The following TBCD variants were observed in gnomAD, a reference collection of about 807,000 sequenced individuals.
The protein encoded by TBCD is tubulin-specific chaperone D.
TBCD carries 105 observed loss-of-function variants against 169.3 expected under a neutral mutation model. The ratio of observed to expected loss-of-function variants is 0.62; its 90% CI spans 0.53 to 0.73. TBCD has a LOEUF of 0.73. Among genes scored for constraint, TBCD ranks in the 30% least tolerant of loss-of-function variants. The probability of loss-of-function intolerance (pLI) is 0.00; values close to 1 mark genes in which losing one functional copy is unlikely to be tolerated. For synonymous variants in TBCD, 700 were observed against 643.9 expected (o/e 1.09, Z -1.32); for missense variants, 1,444 against 1,600.1 (o/e 0.90, Z 1.66).
chr17:82,849,202 C>A (rs571293173), intron 13 of TBCD, among the ~76,000 whole-genome samples: 8 of 137,044 alleles, frequency 5.8e-5, no homozygotes, highest in Non-Finnish European at 9.2e-5. Flanking sequence ...ACCTCGATGT[C>A]CCCCTCTGCC....
chr17:82,775,372 C>T (rs1223197588), intron 6 of TBCD, among the ~76,000 whole-genome samples: 1 of 152,100 alleles, frequency 6.6e-6, no homozygotes, highest in East Asian at 1.9e-4. Context: ...CCGGTTCCCT[C>T]GACACCTCCC....
intron 6 of TBCD, among the ~76,000 whole-genome samples, chr17:82,778,737 A>G (rs1038147297): frequency 0.028 from 13 of 460 alleles, no homozygotes; most frequent in East Asian, 0.2. Context: ...TCTCAGCTCC[A>G]CTGAACCTCT....
At chr17:82,861,229 A>G (rs2056733178) in intron 13 of TBCD, among the ~76,000 whole-genome samples, 1 of 152,044 alleles carries the variant, frequency 6.6e-6, no homozygotes, top group Non-Finnish European at 1.5e-5. Flanking sequence ...CAGTCCTGCC[A>G]GGCGTTGGGC....
At chr17:82,829,061 A>C (rs1428942335) in intron 13 of TBCD, among the ~76,000 whole-genome samples, 1 of 136,014 alleles carries the variant, frequency 7.4e-6, no homozygotes, top group Non-Finnish European at 1.6e-5. Flanking sequence ...ATGCGCACAC[A>C]CCCACAGATA....
rs1290172675 is a variant in TBCD at position 82,943,000 on chromosome 17, T to TG, written c.*542dup. The TG allele has an allele frequency of 1.2e-5, 2 of 170,162 alleles. No homozygotes were observed. The highest frequency in any genetic ancestry group is 2.5e-5 in the Non-Finnish European group (2 of 80,154). 10.5% of individuals were successfully genotyped at this position (170,162 alleles called of 1,614,324 possible). ...GCTGTTTCTGGGCCCGTCTGCCTGG[T>TG]GGGGGTGCTGTCCTCCCCCCTGTGC... On this transcript the variant is annotated 3_prime_UTR_variant, in exon 39 of 39. Coordinates refer to ENST00000355528, the MANE Select transcript of TBCD (RefSeq NM_005993.5).
chr17:82,864,557 C>G lies in TBCD; in HGVS notation c.1319-5667C>G, dbSNP rs1487100151. 6.6e-6 allele frequency: 1 copy of G among 152,312 alleles called. No homozygotes were observed. The highest frequency in any genetic ancestry group is 1.5e-5 in the Non-Finnish European group (1 of 68,130). 9.4% of individuals were successfully genotyped at this position (152,312 alleles called of 1,614,324 possible). ...TGGGGATTTGTGACTGTCCCCAGCA[C>G]CTTGACAGAGGGTCCTTGACTCTGC... On this transcript the variant is annotated intron_variant, in intron 13 of 38. Transcript: ENST00000355528. The surrounding 1 kb of genome is among the most constrained non-coding windows in gnomAD (Gnocchi z 6.3).
At chr17:82,830,905 A>G in intron 13 of TBCD, 1 of 1,612,952 alleles carries the variant, frequency 6.2e-7, no homozygotes, top group Non-Finnish European at 8.5e-7. Context: ...AAAGCTTAGT[A>G]GGAGCTTGCT....
chr17:82,921,541 C>G lies in TBCD; in HGVS notation c.2142C>G (p.Leu714=), dbSNP rs183314946. 114 of 1,614,038 alleles carry G rather than the reference C, an allele frequency of 7.1e-5. No individual in the cohort carries two copies. In the Admixed American group the frequency reaches 1.8e-3, roughly 26 times the overall value. ...QWLINDTLRH[L]HLISSHSRQQ... ...TGATAAATGACACTTTGAGACATCT[C>G]CATCTCATCTCAAGTCACTCCCGCC... Residue 714 remains leucine, a synonymous_variant, in exon 25 of 39, where the codon CTC becomes CTG. Coordinates refer to ENST00000355528, the MANE Select transcript of TBCD (RefSeq NM_005993.5).
intron 4 of TBCD, 62 bp from the exon 5 acceptor site, chr17:82,768,358 T>C (rs2048130690): frequency 6.3e-7 from 1 of 1,598,728 alleles, no homozygotes; most frequent in South Asian, 1.1e-5. Context: ...TTTGAGTAGA[T>C]TGTGGCCAGT....
chr17:82,895,092 C>T (rs1208276674), intron 17 of TBCD, among the ~76,000 whole-genome samples: 4 of 152,248 alleles, frequency 2.6e-5, no homozygotes, highest in East Asian at 3.8e-4. Context: ...GCCTAAAACT[C>T]GCATGTAATT....
At chr17:82,760,571 G>GT (rs2047699403) in intron 2 of TBCD, among the ~76,000 whole-genome samples, 1 of 152,150 alleles carries the variant, frequency 6.6e-6, no homozygotes, top group Non-Finnish European at 1.5e-5. Context: ...TTTGTATACT[G>GT]TTTTTGTAAA....
At chr17:82,838,038 G>A (rs1442209484) in intron 13 of TBCD, among the ~76,000 whole-genome samples, 2 of 152,234 alleles carry the variant, frequency 1.3e-5, no homozygotes, top group Middle Eastern at 3.2e-3. Flanking sequence ...GTGCTCAGCC[G>A]ATGCACTTGG....
chr17:82,753,447 C>CTTTTTTTTTTTTTTTTTTT (rs59839519), intron 1 of TBCD, among the ~76,000 whole-genome samples: 1 of 104,294 alleles, frequency 9.6e-6, no homozygotes, highest in Non-Finnish European at 1.8e-5. Flanking sequence ...TGGCTTCTTC[C>CTTTTTTTTTTTTTTTTTTT]TTTTTTTTTT....
intron 13 of TBCD, among the ~76,000 whole-genome samples, chr17:82,819,375 C>G (rs1295821760): frequency 6.6e-6 from 1 of 152,196 alleles, no homozygotes; most frequent in Non-Finnish European, 1.5e-5. Flanking sequence ...CTGCTGATTC[C>G]TCTCCACACA....
chr17:82,936,046 C>A (rs1356175757), intron 34 of TBCD, among the ~76,000 whole-genome samples: 3 of 152,236 alleles, frequency 2.0e-5, no homozygotes, highest in Non-Finnish European at 4.4e-5. Context: ...TTGAGTGTTA[C>A]CTCTGAGTCT....
chr17:82,847,161 CT>C (rs1348476321), intron 13 of TBCD, among the ~76,000 whole-genome samples: 3 of 151,952 alleles, frequency 2.0e-5, no homozygotes, highest in African/African-American at 7.3e-5. Context: ...ACCATCTTGT[CT>C]AACACAGTGA....
At chr17:82,885,844 T>A (rs932140168) in intron 15 of TBCD, among the ~76,000 whole-genome samples, 2 of 152,166 alleles carry the variant, frequency 1.3e-5, no homozygotes, top group Non-Finnish European at 2.9e-5. Context: ...ACCCTGTAGC[T>A]TGCAAAATTA....
chr17:82,768,994 C>T (rs557250106), intron 5 of TBCD, among the ~76,000 whole-genome samples: 99 of 152,196 alleles, frequency 6.5e-4, no homozygotes, highest in Non-Finnish European at 1.3e-3. Context: ...TTATTTTCTC[C>T]GAACTTTTCC....
chr17:82,800,836 C>T (rs757013250), intron 8 of TBCD, 28 bp from the exon 9 acceptor site: 5 of 1,604,760 alleles, frequency 3.1e-6, no homozygotes, highest in African/African-American at 1.3e-5. Context: ...GCAGCCCTTC[C>T]TGCGCTGAGT....
Sources: gnomAD v4.1 joint callset for allele counts (sites outside exome capture counted in the v4.1 genomes callset) on GRCh38, gnomAD v4.1.1 for gene constraint, Gnocchi (gnomAD v3.1) non-coding constraint, MANE v1.5 for transcripts, NCBI Gene and HGNC (gene_info 2026-07-23, HGNC 2026-07-21) for gene names.